Variants in DLC1 observed in about 807,000 individuals in gnomAD.
DLC1 encodes DLC1 Rho GTPase activating protein.
A neutral mutation model predicts 140.3 loss-of-function variants in DLC1; 54 were observed. That is an observed-to-expected ratio of 0.38 (90% CI 0.31 to 0.48). The LOEUF (loss-of-function observed/expected upper bound fraction) is 0.48, where lower values mean the gene tolerates loss of function less well. Ranked by LOEUF, DLC1 falls within the 20% of genes least tolerant of loss-of-function variation. The probability of loss-of-function intolerance (pLI) is 0.96; values close to 1 mark genes in which losing one functional copy is unlikely to be tolerated. For missense variants in DLC1, 2,536 were observed against 1,907.0 expected, an observed-to-expected ratio of 1.33 and a Z score of -6.14; for synonymous variants, 986 against 728.1, an observed-to-expected ratio of 1.35 and a Z score of -5.70.
At chr8:13,421,838 G>T (rs1838335006) in intron 2 of DLC1, among the ~76,000 whole-genome samples, 1 of 152,020 alleles carries the variant, frequency 6.6e-6, no homozygotes, top group African/African-American at 2.4e-5. Flanking sequence ...CCTAATTTCT[G>T]CCTAGGGAAT....
intron 2 of DLC1, among the ~76,000 whole-genome samples, chr8:13,407,578 C>T (rs1477254400): frequency 6.6e-6 from 1 of 152,120 alleles, no homozygotes; most frequent in Non-Finnish European, 1.5e-5. Flanking sequence ...TAGTAAAATA[C>T]CCAGATGCTT....
At chr8:13,379,573 C>G (rs768499631) in intron 4 of DLC1, among the ~76,000 whole-genome samples, 4 of 152,132 alleles carry the variant, frequency 2.6e-5, no homozygotes, top group African/African-American at 9.7e-5. Flanking sequence ...AGGCTCATGT[C>G]AAAAAATTCT....
At chr8:13,094,171 C>T (rs1818312489) in intron 12 of DLC1, among the ~76,000 whole-genome samples, 1 of 152,194 alleles carries the variant, frequency 6.6e-6, no homozygotes, top group African/African-American at 2.4e-5. Flanking sequence ...GCTCAGATAA[C>T]ACTGTTCTAG....
At chr8:13,342,590 C>G (rs576752777) in intron 4 of DLC1, 57 of 152,240 alleles carry the variant, frequency 3.7e-4, no homozygotes, top group African/African-American at 1.3e-3. Flanking sequence ...GGAATTCTGC[C>G]CTAAGACCGC....
chr8:13,097,215 G>A lies in DLC1; in HGVS notation c.3167+1184C>T, dbSNP rs1444460223. Reference sequence around the variant, plus strand: ...GAAAAAAAGTAACCTGAATTCTTTAGCACAGGTGGATGCTACAAATATTCA... The same window carrying A: ...GAAAAAAAGTAACCTGAATTCTTTAACACAGGTGGATGCTACAAATATTCA... On this transcript the variant is annotated intron_variant, in intron 10 of 17. Coordinates refer to ENST00000276297, the MANE Select transcript of DLC1 (RefSeq NM_182643.3). 2.0e-5 allele frequency among the ~76,000 whole-genome samples: 3 copies of A among 151,460 alleles called. No homozygotes were observed. The East Asian group carries it at 5.8e-4, about 29-fold the overall frequency.
Position 13,091,489 on chromosome 8 carries a change from A to C in DLC1, c.3741-57T>G, listed in dbSNP as rs77981922. ...TCAAATATTTATATATTTTTCTTCA[A>C]GGTATTATTCAAGGAAACCCAAAGA... On this transcript the variant is annotated intron_variant, in intron 13 of 17. Coordinates refer to ENST00000276297, the MANE Select transcript of DLC1 (RefSeq NM_182643.3). 4,795 of 1,506,352 alleles carry C rather than the reference A, an allele frequency of 3.2e-3. 123 individuals carry two copies. In the African/African-American group the frequency reaches 0.058, roughly 18 times the overall value. 93.3% of individuals were successfully genotyped at this position (1,506,352 alleles called of 1,614,324 possible). A position where few individuals can be genotyped will look rare whatever the true frequency, so the allele number is the denominator to read the frequency against.
chr8:13,145,188 C>G (rs1823325575), intron 5 of DLC1, among the ~76,000 whole-genome samples: 1 of 152,002 alleles, frequency 6.6e-6, no homozygotes. Context: ...GAGCCAGTAT[C>G]TGATGAAACA....
At chr8:13,298,292 C>A (rs924300299) in intron 5 of DLC1, among the ~76,000 whole-genome samples, 4 of 152,160 alleles carry the variant, frequency 2.6e-5, no homozygotes, top group African/African-American at 9.7e-5. Context: ...TCAATGGCCC[C>A]CTTTACACGT....
intron 7 of DLC1, among the ~76,000 whole-genome samples, chr8:13,108,942 G>A (rs1819818339): frequency 6.6e-6 from 1 of 152,116 alleles, no homozygotes; most frequent in Admixed American, 6.6e-5. Flanking sequence ...GAAGTTCTTG[G>A]AATTAGGTTT....
At chr8:13,361,136 G>A (rs188085207) in intron 4 of DLC1, among the ~76,000 whole-genome samples, 1 of 152,152 alleles carries the variant, frequency 6.6e-6, no homozygotes, top group Non-Finnish European at 1.5e-5. Context: ...GGAGGTTGAG[G>A]TAGGAGGATC....
intron 1 of DLC1, among the ~76,000 whole-genome samples, chr8:13,538,486 G>A (rs1294012274): frequency 6.6e-6 from 1 of 152,030 alleles, no homozygotes; most frequent in South Asian, 2.1e-4. Context: ...CAGATATGAT[G>A]CCGAGATAAG....
At chr8:13,368,123 T>A (rs570727775) in intron 4 of DLC1, among the ~76,000 whole-genome samples, 1 of 152,090 alleles carries the variant, frequency 6.6e-6, no homozygotes, top group Non-Finnish European at 1.5e-5. Flanking sequence ...ATATGTAAAG[T>A]GGAAAAGAAA....
chr8:13,161,680 C>G (rs1271263487), intron 5 of DLC1, among the ~76,000 whole-genome samples: 3 of 152,144 alleles, frequency 2.0e-5, no homozygotes, highest in Non-Finnish European at 4.4e-5. Flanking sequence ...TTGAGGGTGA[C>G]TGGTTTATAT....
In DLC1 at chr8:13,095,163, C is replaced by A. The variant is rs774780095; in HGVS notation, c.3250G>T (p.Val1084Leu). Residue 1084 changes from valine (V) to leucine (L), a missense_variant, in exon 11 of 18, where the codon GTG becomes TTG. By Grantham distance (32) the Val-to-Leu change is conservative. Transcript: ENST00000276297. ...GGCAACGGTTGTCCTGTGCGCTGCACGTTGACCGTCAGTGGGACCCCAAAC... is the reference window on the plus strand; with the variant it reads ...GGCAACGGTTGTCCTGTGCGCTGCAAGTTGACCGTCAGTGGGACCCCAAAC... ...SVFGVPLTVNVQRTGQPLPQS... is the reference protein window; with the variant it reads ...SVFGVPLTVNLQRTGQPLPQS... The A allele has an allele frequency of 1.2e-6, 2 of 1,614,268 alleles. No individual in the cohort carries two copies. The highest frequency in any genetic ancestry group is 2.2e-5 in the East Asian group (1 of 44,882).
chr8:13,497,702 T>C (rs1177100857), intron 2 of DLC1, among the ~76,000 whole-genome samples: 3 of 152,204 alleles, frequency 2.0e-5, no homozygotes, highest in Admixed American at 6.5e-5. Context: ...AATACTGTCT[T>C]ATGTCATTAC....
At chr8:13,116,291 C>A (rs1250842855) in intron 5 of DLC1, 5 of 935,530 alleles carry the variant, frequency 5.3e-6, no homozygotes, top group South Asian at 4.9e-5. Context: ...AAGCTTCTAC[C>A]TCCCTGTGGT....
chr8:13,177,355 A>G (rs897875890), intron 5 of DLC1, among the ~76,000 whole-genome samples: 4 of 152,204 alleles, frequency 2.6e-5, no homozygotes, highest in Non-Finnish European at 5.9e-5. Flanking sequence ...TTTCTATGTC[A>G]TCTATTTACT....
At chr8:13,165,760 G>A (rs1446768418) in intron 5 of DLC1, among the ~76,000 whole-genome samples, 1 of 152,166 alleles carries the variant, frequency 6.6e-6, no homozygotes, top group East Asian at 1.9e-4. Context: ...CCACACATGA[G>A]TGGCAATGAT....
chr8:13,253,773 C>A (rs1371808690), intron 5 of DLC1, among the ~76,000 whole-genome samples: 2 of 152,096 alleles, frequency 1.3e-5, no homozygotes, highest in Non-Finnish European at 2.9e-5. Context: ...TGAGTCAATG[C>A]CATATGCTAA....
Sources: gnomAD v4.1 joint callset for allele counts (sites outside exome capture counted in the v4.1 genomes callset) on GRCh38, gnomAD v4.1.1 for gene constraint, MANE v1.5 for transcripts, NCBI Gene and HGNC (gene_info 2026-07-23, HGNC 2026-07-21) for gene names.